RBPJ: variants seen among roughly 807,000 people sequenced by gnomAD.
The protein encoded by RBPJ is recombining binding protein suppressor of hairless.
Under a neutral mutation model 67.8 loss-of-function variants are expected in RBPJ, and 9 were observed. The ratio of observed to expected loss-of-function variants is 0.13; its 90% CI spans 0.08 to 0.23. RBPJ has a LOEUF of 0.23. RBPJ is among the 10% of genes least tolerant of loss of function. The probability of loss-of-function intolerance (pLI) is 1.00; values close to 1 mark genes in which losing one functional copy is unlikely to be tolerated. For missense variants in RBPJ, 305 were observed against 595.6 expected (o/e 0.51, Z 5.08); for synonymous variants, 198 against 203.3 (o/e 0.97, Z 0.22).
At chr4:26,169,727 C>T (rs1006299391) in intron 1 of RBPJ, among the ~76,000 whole-genome samples, 2 of 152,200 alleles carry the variant, frequency 1.3e-5, no homozygotes, top group African/African-American at 2.4e-5. Context: ...TGGGCTCCAC[C>T]CAGTTCGAGC....
At position 26,264,356 on chromosome 4, in the gene RBPJ, C is replaced by G. The variant is rs897030882; in HGVS notation, c.-166-98090C>G. Among the ~76,000 whole-genome samples the G allele has an allele frequency of 6.6e-6, 1 of 152,084 alleles. No homozygotes were observed. The highest frequency in any genetic ancestry group is 6.6e-5 in the Admixed American group (1 of 15,266). The stretch of plus-strand genomic sequence containing the variant: ...ATTAATCAATGAATACTTTTTAATT[C>G]AGCATATGTAGTCTGGAGCACTATG... On this transcript the variant is annotated intron_variant, in intron 1 of 4. Transcript: ENST00000512351. This position sits in a 1 kb window ranked among gnomAD's most constrained non-coding sequence, Gnocchi z 4.1.
intron 1 of RBPJ, among the ~76,000 whole-genome samples, chr4:26,253,032 G>T (rs1345034513): frequency 3.3e-5 from 5 of 152,156 alleles, no homozygotes; most frequent in African/African-American, 1.2e-4. Context: ...AAGCATCTGG[G>T]TTATCTTAGG....
upstream of RBPJ, among the ~76,000 whole-genome samples, chr4:26,162,212 T>A (rs1017512769): frequency 1.4e-4 from 22 of 152,192 alleles, no homozygotes; most frequent in Non-Finnish European, 1.2e-4. Flanking sequence ...GGTGTTAGTG[T>A]ACCCTGGAAC....
At chr4:26,249,271 G>C (rs545052780) in intron 1 of RBPJ, among the ~76,000 whole-genome samples, 1 of 152,130 alleles carries the variant, frequency 6.6e-6, no homozygotes, top group East Asian at 1.9e-4. Context: ...GAAACACACA[G>C]CTCCATAAAT....
rs540524729 is a variant in RBPJ at position 26,365,165 on chromosome 4, G to A, written c.21-21188G>A. ...ATGTAGGAAGCCAGTGTCAGATTAA[G>A]TGTTGATGATTATTAAATGCCAGAT... is the stretch of plus-strand genomic sequence containing the variant. On this transcript the variant is annotated intron_variant, in intron 1 of 10. Coordinates refer to ENST00000355476, the MANE Select transcript of RBPJ (RefSeq NM_015874.6). Among the ~76,000 whole-genome samples the A allele has an allele frequency of 1.1e-4, 16 of 152,084 alleles. 1 individual carries two copies. In the South Asian group the frequency reaches 3.1e-3, roughly 30 times the overall value.
chr4:26,363,082 G>GT (rs1486542873), intron 1 of RBPJ, among the ~76,000 whole-genome samples: 2 of 152,138 alleles, frequency 1.3e-5, no homozygotes, highest in African/African-American at 2.4e-5. Context: ...ATTTAGTACA[G>GT]TTTTTTTCTT....
At position 26,293,249 on chromosome 4, in the gene RBPJ, C is replaced by T. The variant is rs1270919743; in HGVS notation, c.-166-69197C>T. ...CTCAGGGCTTTGCTAGGTTTCCCCC[C>T]TTTACTAGGTGTTACCACTCACCCC... is the stretch of plus-strand genomic sequence containing the variant. On this transcript the variant is annotated intron_variant, in intron 1 of 4. Coordinates refer to the RBPJ transcript ENST00000512351. Among the ~76,000 whole-genome samples the T allele has an allele frequency of 2.7e-5, 4 of 150,550 alleles. 1 individual carries two copies. Among genetic ancestry groups the T allele is most frequent in the African/African-American group, 7.3e-5 (3 of 40,904 alleles).
intron 7 of RBPJ, 166 bp from the exon 8 acceptor site, chr4:26,428,554 T>G (rs1735909814): frequency 3.6e-6 from 2 of 553,090 alleles, no homozygotes; most frequent in Non-Finnish European, 6.3e-6. Context: ...GTGTTTTTTA[T>G]TCCTAGTCTT....
upstream of RBPJ, chr4:26,320,985 G>A (rs1385724101): frequency 3.1e-6 from 5 of 1,613,464 alleles, no homozygotes; most frequent in Non-Finnish European, 4.2e-6. Flanking sequence ...AGGCGTCGGG[G>A]GGAATCTCGC....
intron 1 of RBPJ, among the ~76,000 whole-genome samples, chr4:26,339,462 C>T (rs922152485): frequency 6.7e-6 from 1 of 149,806 alleles, no homozygotes; most frequent in African/African-American, 2.5e-5. Flanking sequence ...GGTGAAACCC[C>T]ATCTCTACTA....
chr4:26,250,529 C>T (rs552539739), intron 1 of RBPJ, among the ~76,000 whole-genome samples: 161 of 152,152 alleles, frequency 1.1e-3, no homozygotes, highest in African/African-American at 3.6e-3. Flanking sequence ...CATGGGGTTT[C>T]GCCATGTTGG....
At chr4:26,398,600 T>A (rs555156325) in intron 2 of RBPJ, among the ~76,000 whole-genome samples, 9 of 152,270 alleles carry the variant, frequency 5.9e-5, no homozygotes, top group African/African-American at 1.7e-4. Context: ...GTCTTTCCAA[T>A]CTCATCTTTC....
chr4:26,381,901 A>C (rs1170136135), intron 1 of RBPJ, among the ~76,000 whole-genome samples: 2 of 152,168 alleles, frequency 1.3e-5, no homozygotes. Context: ...AAATTTGAGA[A>C]TCCTACTCAT....
intron 1 of RBPJ, among the ~76,000 whole-genome samples, chr4:26,385,313 G>T (rs191078940): frequency 3.9e-5 from 6 of 151,950 alleles, no homozygotes; most frequent in African/African-American, 1.4e-4. Flanking sequence ...GAGCCACTGC[G>T]CCCAGCCTTA....
chr4:26,429,783 T>A, intron 8 of RBPJ, 115 bp from the exon 9 acceptor site: 1 of 851,184 alleles, frequency 1.2e-6, no homozygotes, highest in Non-Finnish European at 1.8e-6. Context: ...AGTTTATAAG[T>A]TTTTACTGAG....
At position 26,430,260 on chromosome 4, in the gene RBPJ, T is replaced by C. The variant is rs1736082909; in HGVS notation, c.1045-159T>C. 2 of 841,978 alleles carry C rather than the reference T, an allele frequency of 2.4e-6. No homozygotes were observed. The highest frequency in any genetic ancestry group is 3.7e-6 in the Non-Finnish European group (2 of 535,394). 52.2% of individuals were successfully genotyped at this position (841,978 alleles called of 1,614,324 possible). On this transcript the variant is annotated intron_variant, in intron 9 of 10. Coordinates refer to ENST00000355476, the MANE Select transcript of RBPJ (RefSeq NM_015874.6). This position sits in a 1 kb window ranked among gnomAD's most constrained non-coding sequence, Gnocchi z 4.1. ...GAAAATTTAAATGTAAATAAACTTGTATGTTATCTTGAAATGTTTTTAGCT... is the reference window on the plus strand; with the variant it reads ...GAAAATTTAAATGTAAATAAACTTGCATGTTATCTTGAAATGTTTTTAGCT...
At chr4:26,147,969 C>A in the RBPJ span, among the ~76,000 whole-genome samples, 1 of 152,146 alleles carries the variant, frequency 6.6e-6, no homozygotes, top group Non-Finnish European at 1.5e-5. Context: ...ATTTCAGGCC[C>A]CACCTTGAAC....
chr4:26,429,577 C>CT (rs1560349543), intron 8 of RBPJ, among the ~76,000 whole-genome samples: 4 of 152,210 alleles, frequency 2.6e-5, no homozygotes. Context: ...CAGCCATTTA[C>CT]ATCACAGATA....
rs577480073 is a variant in RBPJ at position 26,214,178 on chromosome 4, G to A, written c.-167+50564G>A. ...GAAAGAGAGAAAAGAGAGAGAGAGAGAAAAGAAAGAAAGAAAAGGAAGGAA... is the reference window on the plus strand; with the variant it reads ...GAAAGAGAGAAAAGAGAGAGAGAGAAAAAAGAAAGAAAGAAAAGGAAGGAA... On this transcript the variant is annotated intron_variant, in intron 1 of 4. Transcript: ENST00000512351. Among the ~76,000 whole-genome samples, 209 of 144,818 alleles carry A rather than the reference G, an allele frequency of 1.4e-3. 2 individuals carry two copies. The highest frequency in any genetic ancestry group is 5.0e-3 in the African/African-American group (196 of 39,188).
Sources: allele counts gnomAD v4.1 joint callset (sites outside exome capture counted in the v4.1 genomes callset), GRCh38; gene constraint gnomAD v4.1.1; non-coding constraint Gnocchi (gnomAD v3.1); transcripts MANE v1.5; gene names NCBI Gene and HGNC (gene_info 2026-07-23, HGNC 2026-07-21).